The following CCDC88C variants were observed in gnomAD, a reference collection of about 807,000 sequenced individuals.
CCDC88C encodes protein Daple.
CCDC88C carries 131 observed loss-of-function variants against 198.8 expected under a neutral mutation model. That is an observed-to-expected ratio of 0.66 (90% confidence interval 0.57 to 0.76). CCDC88C has a LOEUF of 0.76. CCDC88C is among the 30% of genes least tolerant of loss of function. CCDC88C has a pLI of 0.00. For missense variants in CCDC88C, 2,553 were observed against 2,631.6 expected, an observed-to-expected ratio of 0.97 and a Z score of 0.65; for synonymous variants, 1,166 against 1,114.7, an observed-to-expected ratio of 1.05 and a Z score of -0.92.
intron 4 of CCDC88C, among the ~76,000 whole-genome samples, chr14:91,353,231 C>T (rs1350997750): frequency 1.3e-5 from 2 of 152,192 alleles, no homozygotes; most frequent in Non-Finnish European, 2.9e-5. Flanking sequence ...ACTTGCACTC[C>T]CCTGAGCTCG....
chr14:91,353,976 G>A (rs1290936377), intron 4 of CCDC88C, among the ~76,000 whole-genome samples: 1 of 152,172 alleles, frequency 6.6e-6, no homozygotes, highest in African/African-American at 2.4e-5. Context: ...CTTGGAACCA[G>A]TGGCTTACTG....
At chr14:91,337,916 T>C in intron 10 of CCDC88C, 89 bp downstream of exon 10, 2 of 1,526,932 alleles carry the variant, frequency 1.3e-6, no homozygotes, top group Admixed American at 1.7e-5. Context: ...GCTCCGCTCC[T>C]CCAAGCCCCC....
chr14:91,409,997 A>T (rs1886715556), intron 2 of CCDC88C, among the ~76,000 whole-genome samples: 2 of 152,216 alleles, frequency 1.3e-5, no homozygotes, highest in African/African-American at 4.8e-5. Flanking sequence ...TAAGAGACAC[A>T]ATTAATTCAT....
chr14:91,330,986 G>A (rs1892800512), intron 10 of CCDC88C, among the ~76,000 whole-genome samples: 1 of 151,998 alleles, frequency 6.6e-6, no homozygotes, highest in African/African-American at 2.4e-5. Context: ...GTGAGTCCAG[G>A]AGTGGGGAGA....
chr14:91,357,820 G>A (rs558327047), intron 4 of CCDC88C, among the ~76,000 whole-genome samples: 1 of 152,316 alleles, frequency 6.6e-6, no homozygotes, highest in East Asian at 1.9e-4. Flanking sequence ...TGGCGTCCCC[G>A]CCCTTCTCTG....
At chr14:91,312,025 T>C (rs1230858955) in intron 15 of CCDC88C, among the ~76,000 whole-genome samples, 1 of 151,648 alleles carries the variant, frequency 6.6e-6, no homozygotes, top group Non-Finnish European at 1.5e-5. Flanking sequence ...TAAAAAATAA[T>C]AAAAATAAAA....
At chr14:91,382,509 T>G (rs1175086355) in intron 3 of CCDC88C, among the ~76,000 whole-genome samples, 1 of 152,148 alleles carries the variant, frequency 6.6e-6, no homozygotes, top group Non-Finnish European at 1.5e-5. Flanking sequence ...AAGAAAGCTG[T>G]TCCATCTCCA....
intron 4 of CCDC88C, among the ~76,000 whole-genome samples, chr14:91,344,942 C>T (rs544245553): frequency 2.6e-5 from 4 of 151,068 alleles, no homozygotes; most frequent in South Asian, 4.2e-4. Flanking sequence ...ACTACAGGTG[C>T]GCATCACCAC....
intron 4 of CCDC88C, among the ~76,000 whole-genome samples, chr14:91,358,734 C>T (rs1021066664): frequency 6.6e-6 from 1 of 152,062 alleles, no homozygotes; most frequent in East Asian, 1.9e-4. Flanking sequence ...AACTCTTGGG[C>T]TCAAGCGATC....
chr14:91,402,262 C>T (rs1188564059), intron 3 of CCDC88C, among the ~76,000 whole-genome samples: 2 of 151,722 alleles, frequency 1.3e-5, no homozygotes, highest in Non-Finnish European at 2.9e-5. Flanking sequence ...GGAAACCGAG[C>T]AAGACTGTCT....
intron 3 of CCDC88C, among the ~76,000 whole-genome samples, chr14:91,400,099 C>T (rs1886085248): frequency 6.6e-6 from 1 of 152,004 alleles, no homozygotes; most frequent in South Asian, 2.1e-4. Flanking sequence ...TGGCCATATC[C>T]CATGTCCTGC....
In CCDC88C at chr14:91,339,328, G is replaced by C; in HGVS notation, c.759C>G (p.Ala253=). ...SLSSEDKQHL[A]VELADTKARL... ...TGGCCTTGGTGTCGGCCAGCTCTAC[G>C]GCCAGGTGCTGCTTGTCTTCGCTAG... The change falls in exon 8 of 30, where the codon GCC becomes GCG. Residue 253 remains alanine (A), a synonymous_variant. Transcript: ENST00000389857. This position sits in a 1 kb window ranked among gnomAD's most constrained non-coding sequence, Gnocchi z 5.8. 6.2e-7 allele frequency: 1 copy of C among 1,613,664 alleles called. No homozygotes were observed. The highest frequency in any genetic ancestry group is 8.5e-7 in the Non-Finnish European group (1 of 1,179,890).
chr14:91,406,474 C>T (rs1030532593), intron 3 of CCDC88C, among the ~76,000 whole-genome samples: 7 of 152,190 alleles, frequency 4.6e-5, no homozygotes, highest in African/African-American at 1.4e-4. Flanking sequence ...TGCCCATTCC[C>T]TCCCATGACC....
At chr14:91,275,640 G>A (rs369471742) in intron 29 of CCDC88C, among the ~76,000 whole-genome samples, 7 of 151,460 alleles carry the variant, frequency 4.6e-5, no homozygotes, top group South Asian at 4.2e-4. Context: ...ACCATGACCC[G>A]GTTCATTTTT....
At chr14:91,393,094 A>G (rs1885621607) in intron 3 of CCDC88C, among the ~76,000 whole-genome samples, 1 of 152,118 alleles carries the variant, frequency 6.6e-6, no homozygotes, top group Non-Finnish European at 1.5e-5. Context: ...GGCATTTCCC[A>G]GGCACCAATC....
chr14:91,353,757 A>T (rs932972227), intron 4 of CCDC88C, among the ~76,000 whole-genome samples: 1 of 152,190 alleles, frequency 6.6e-6, no homozygotes, highest in Non-Finnish European at 1.5e-5. Flanking sequence ...TAACCATCAT[A>T]AGAGAGAGAA....
chr14:91,281,639 G>A, intron 26 of CCDC88C, 114 bp from the exon 27 acceptor site: 1 of 870,146 alleles, frequency 1.1e-6, no homozygotes, highest in Non-Finnish European at 1.9e-6. Flanking sequence ...TTGGGGATGA[G>A]GGAATGGCAT....
chr14:91,403,077 C>T (rs1445550129), intron 3 of CCDC88C, among the ~76,000 whole-genome samples: 2 of 152,146 alleles, frequency 1.3e-5, no homozygotes, highest in Non-Finnish European at 2.9e-5. Flanking sequence ...CCCCCTTTTG[C>T]TTGAAGGAGG....
At position 91,284,865 on chromosome 14, in the gene CCDC88C, G is replaced by A. The variant is rs1428102522; in HGVS notation, c.4442-1348C>T. ...CATATTTTTGTAGGTAATCATAGAC[G>A]GTATCAGGATATGACAAAAATAACG... On this transcript the variant is annotated intron_variant, in intron 25 of 29. Coordinates refer to ENST00000389857, the MANE Select transcript of CCDC88C (RefSeq NM_001080414.4). This position sits in a 1 kb window ranked among gnomAD's most constrained non-coding sequence, Gnocchi z 4.1. 6.6e-6 allele frequency among the ~76,000 whole-genome samples: 1 copy of A among 152,148 alleles called. No individual in the cohort carries two copies. The highest frequency in any genetic ancestry group is 2.4e-5 in the African/African-American group (1 of 41,428).
Sources: gnomAD v4.1 joint callset for allele counts (sites outside exome capture counted in the v4.1 genomes callset) on GRCh38, gnomAD v4.1.1 for gene constraint, Gnocchi (gnomAD v3.1) non-coding constraint, MANE v1.5 for transcripts, NCBI Gene and HGNC (gene_info 2026-07-23, HGNC 2026-07-21) for gene names.